WNT2B: variants seen among roughly 807,000 people sequenced by gnomAD.
The protein encoded by WNT2B is protein Wnt-2b.
A neutral mutation model predicts 40.5 loss-of-function variants in WNT2B; 19 were observed. That is an observed-to-expected ratio of 0.47 (90% CI 0.33 to 0.69). The LOEUF is 0.69. Ranked by LOEUF, WNT2B falls within the 30% of genes least tolerant of loss-of-function variation. WNT2B has a pLI of 0.02. For synonymous variants in WNT2B, 220 were observed against 211.9 expected (o/e 1.04, Z -0.33); for missense variants, 467 against 556.4 (o/e 0.84, Z 1.62).
At chr1:112,479,524 A>C (rs1651157165) in intron 1 of WNT2B, among the ~76,000 whole-genome samples, 1 of 151,930 alleles carries the variant, frequency 6.6e-6, no homozygotes, top group Non-Finnish European at 1.5e-5. Flanking sequence ...CAGTGAGCCA[A>C]GATCACACCA....
chr1:112,507,772 G>A (rs1652160452), upstream of WNT2B, among the ~76,000 whole-genome samples: 1 of 152,194 alleles, frequency 6.6e-6, no homozygotes, highest in Non-Finnish European at 1.5e-5. Flanking sequence ...TGAGGAGGCA[G>A]GAAAGACACC....
chr1:112,488,894 C>T (rs532854855), intron 1 of WNT2B, among the ~76,000 whole-genome samples: 38 of 152,132 alleles, frequency 2.5e-4, no homozygotes, highest in African/African-American at 9.2e-4. Context: ...TTTCCTATGT[C>T]ACCCAGGCTG....
intron 1 of WNT2B, among the ~76,000 whole-genome samples, chr1:112,478,994 G>A (rs1471415121): frequency 6.6e-6 from 1 of 152,070 alleles, no homozygotes; most frequent in Non-Finnish European, 1.5e-5. Flanking sequence ...GCCAAGGTGG[G>A]CGGATCCCCT....
At position 112,509,358 on chromosome 1, in the gene WNT2B, C is replaced by G. The variant is rs769987574; in HGVS notation, c.96C>G (p.Gly32=). 5.0e-6 allele frequency: 8 copies of G among 1,595,536 alleles called. No individual in the cohort carries two copies. Among genetic ancestry groups the G allele is most frequent in the Non-Finnish European group, 6.8e-6 (8 of 1,177,280 alleles). The change falls in exon 1 of 5, where the codon GGC becomes GGG. Residue 32 remains glycine (G), a synonymous_variant. Transcript: ENST00000369684. This position sits in a 1 kb window ranked among gnomAD's most constrained non-coding sequence, Gnocchi z 4.2. ...VPVPSPAAPD[G]SRASARLGLA... is the part of the protein sequence containing the mutation. ...TGCCGTCGCCCGCGGCCCCCGACGGCTCCCGGGCTTCGGCCCGCCTAGGTC... is the reference window on the plus strand; with the variant it reads ...TGCCGTCGCCCGCGGCCCCCGACGGGTCCCGGGCTTCGGCCCGCCTAGGTC...
At chr1:112,484,272 CATATATATATATATATAT>C (rs60819225) in intron 1 of WNT2B, among the ~76,000 whole-genome samples, 1 of 123,284 alleles carries the variant, frequency 8.1e-6, no homozygotes, top group Non-Finnish European at 1.6e-5. Flanking sequence ...TATATATACA[CATATATATATATATATAT>C]ACACACACAT....
intron 1 of WNT2B, among the ~76,000 whole-genome samples, chr1:112,486,524 A>G (rs1016760461): frequency 2.6e-5 from 4 of 152,218 alleles, no homozygotes; most frequent in African/African-American, 9.6e-5. Flanking sequence ...ATCAAAATTT[A>G]AAACTTCTGC....
intron 1 of WNT2B, among the ~76,000 whole-genome samples, chr1:112,484,731 G>C (rs1651361351): frequency 6.7e-6 from 1 of 148,950 alleles, no homozygotes; most frequent in African/African-American, 2.5e-5. Context: ...GACAGAGCAA[G>C]ACTCCCTCTT....
intron 1 of WNT2B, among the ~76,000 whole-genome samples, chr1:112,502,337 C>T (rs892103040): frequency 1.3e-5 from 2 of 152,220 alleles, no homozygotes; most frequent in East Asian, 1.9e-4. Context: ...CCCTGCACCC[C>T]GCTCTCCCCT....
rs1653707554 is a variant in WNT2B, at chr1:112,527,801, CCA to C, written c.*7299_*7300del. Reference sequence around the variant, plus strand: ...TTGTAGGGATCTATTCAGCAGGCTGCCACACACATGCTGAGGTGGAGGCCAAC... The same window carrying C: ...TTGTAGGGATCTATTCAGCAGGCTGCCACACATGCTGAGGTGGAGGCCAAC... On this transcript the variant is annotated 3_prime_UTR_variant, in exon 5 of 5. Coordinates refer to ENST00000369684, the MANE Select transcript of WNT2B (RefSeq NM_024494.3). The C allele has an allele frequency of 6.6e-6, 1 of 152,320 alleles. No homozygotes were observed. Among genetic ancestry groups the C allele is most frequent in the Non-Finnish European group, 1.5e-5 (1 of 68,042 alleles). 9.4% of individuals were successfully genotyped at this position (152,320 alleles called of 1,614,324 possible).
chr1:112,512,088 A>C (rs1053909469), intron 1 of WNT2B, among the ~76,000 whole-genome samples: 1 of 152,190 alleles, frequency 6.6e-6, no homozygotes, highest in African/African-American at 2.4e-5. Context: ...GAAAAAAAAA[A>C]AGCAGATCCC....
At position 112,515,081 on chromosome 1, in the gene WNT2B, T is replaced by A. The variant is rs1197482997; in HGVS notation, c.390T>A (p.Arg130=). ...ACCGGGACCACACCGTCTTTGGCCG[T>A]GTCATGCTCAGAAGTAAGAGCCTCT... The part of the protein sequence containing the change: ...TLDRDHTVFG[R]VMLRSSREAA... Residue 130 remains arginine, a synonymous_variant, in exon 2 of 5, where the codon CGT becomes CGA. Transcript: ENST00000369684. This position sits in a 1 kb window ranked among gnomAD's most constrained non-coding sequence, Gnocchi z 4.4. 6.2e-7 allele frequency: 1 copy of A among 1,614,098 alleles called. No homozygotes were observed. Among genetic ancestry groups the A allele is most frequent in the Admixed American group, 1.7e-5 (1 of 60,018 alleles).
At chr1:112,467,312 TG>T in exon 1 of WNT2B, 1 of 518,340 alleles carries the variant, frequency 1.9e-6, no homozygotes. Context: ...CCTTATTTGG[TG>T]GGCCACTGGA....
At chr1:112,470,338 C>T (rs1471227001) in intron 1 of WNT2B, among the ~76,000 whole-genome samples, 2 of 152,090 alleles carry the variant, frequency 1.3e-5, no homozygotes, top group Admixed American at 6.5e-5. Flanking sequence ...CTTGTAATTC[C>T]AGCACTTTGG....
chr1:112,511,239 T>TAGGG (rs941826971), intron 1 of WNT2B, among the ~76,000 whole-genome samples: 12 of 150,594 alleles, frequency 8.0e-5, no homozygotes, highest in South Asian at 4.2e-4. Context: ...GTGAAAGAGC[T>TAGGG]AGGGAGGGAG....
rs781553902 is a variant in WNT2B at position 112,491,112 on chromosome 1, AT to A, written c.-95+23523del. The A allele has an allele frequency of 1.8e-5, 29 of 1,605,168 alleles. 1 individual carries two copies. In the South Asian group the frequency reaches 3.1e-4, roughly 17 times the overall value. ...TGATAATTAAAATGTCAGATAACCA[AT>A]TATAAAAAATAAATTGGCCTGCACG... On this transcript the variant is annotated intron_variant, in intron 1 of 4. Transcript: ENST00000256640.
rs77582232 is a variant in WNT2B at position 112,518,741 on chromosome 1, C to T, written c.946+1356C>T. On this transcript the variant is annotated intron_variant, in intron 4 of 4. Coordinates refer to ENST00000369684, the MANE Select transcript of WNT2B (RefSeq NM_024494.3). ...AAGTCAAATGTGTGTTCGTTTTTCT[C>T]AGAGGCATAAAATTAGGCCTCCTAA... Among the ~76,000 whole-genome samples the T allele has an allele frequency of 1.4e-3, 209 of 152,242 alleles. 5 individuals carry two copies. The East Asian group carries it at 0.038, about 28-fold the overall frequency.
intron 1 of WNT2B, among the ~76,000 whole-genome samples, chr1:112,493,560 T>A (rs1651670677): frequency 6.6e-6 from 1 of 151,998 alleles, no homozygotes; most frequent in Admixed American, 6.6e-5. Flanking sequence ...AGACTGAGGC[T>A]GCAATGAGCT....
chr1:112,524,161 C>T lies in WNT2B; in HGVS notation c.*3652C>T, dbSNP rs1207903943. On this transcript the variant is annotated 3_prime_UTR_variant, in exon 5 of 5. Transcript: ENST00000369684. Reference sequence around the variant, plus strand: ...TTCTCCTTTGTCTCACTTCCCTTATCAAGAACACCAACCAGTAAGTCTTTG... The same window carrying T: ...TTCTCCTTTGTCTCACTTCCCTTATTAAGAACACCAACCAGTAAGTCTTTG... 1 of 152,578 alleles carries T rather than the reference C, an allele frequency of 6.6e-6. No homozygotes were observed. The highest frequency in any genetic ancestry group is 2.4e-5 in the African/African-American group (1 of 41,434). The allele number at this position is 152,578 out of a possible 1,614,324, so 9.5% of individuals were successfully genotyped here.
intron 1 of WNT2B, among the ~76,000 whole-genome samples, chr1:112,483,337 T>C (rs1335873963): frequency 6.6e-6 from 1 of 152,064 alleles, no homozygotes; most frequent in Admixed American, 6.5e-5. Context: ...GCATCTATAG[T>C]CAACTGATCT....
Sources: gnomAD v4.1 joint callset for allele counts (sites outside exome capture counted in the v4.1 genomes callset) on GRCh38, gnomAD v4.1.1 for gene constraint, Gnocchi (gnomAD v3.1) non-coding constraint, MANE v1.5 for transcripts, NCBI Gene and HGNC (gene_info 2026-07-23, HGNC 2026-07-21) for gene names.